ASAP1: variants seen among roughly 807,000 people sequenced by gnomAD.
ASAP1 encodes the protein arf-GAP with SH3 domain, ANK repeat and PH domain-containing protein 1.
Under a neutral mutation model 145.2 loss-of-function variants are expected in ASAP1, and 43 were observed. The observed-to-expected ratio is 0.30, with a 90% CI of 0.23 to 0.38. ASAP1 has a LOEUF of 0.38. Among genes scored for constraint, ASAP1 ranks in the 10% least tolerant of loss-of-function variants. The pLI, the probability that ASAP1 is intolerant of heterozygous loss-of-function variation, is 1.00. For synonymous variants in ASAP1, 546 were observed against 515.5 expected (o/e 1.06, Z -0.80); for missense variants, 1,018 against 1,355.3 (o/e 0.75, Z 3.91).
chr8:130,180,950 C>T, intron 7 of ASAP1, 70 bp from the exon 8 acceptor site: 1 of 1,388,166 alleles, frequency 7.2e-7, no homozygotes. Flanking sequence ...ACAGCAGATC[C>T]TAATACAAAC....
chr8:130,088,547 G>C (rs1287971037), intron 25 of ASAP1, among the ~76,000 whole-genome samples: 1 of 152,144 alleles, frequency 6.6e-6, no homozygotes, highest in African/African-American at 2.4e-5. Flanking sequence ...GGATCACCTG[G>C]AGTCACCAGA....
chr8:130,236,875 A>T, intron 4 of ASAP1, 47 bp downstream of exon 4: 1 of 1,328,394 alleles, frequency 7.5e-7, no homozygotes, highest in Non-Finnish European at 1.0e-6. Flanking sequence ...AAAACTCTGT[A>T]GACATTATTT....
At chr8:130,095,443 GAT>G (rs2097515477) in intron 24 of ASAP1, among the ~76,000 whole-genome samples, 1 of 151,816 alleles carries the variant, frequency 6.6e-6, no homozygotes. Context: ...TGGGACTACA[GAT>G]GTGTGCCACC....
At chr8:130,102,349 G>C (rs1041288120) in intron 24 of ASAP1, among the ~76,000 whole-genome samples, 4 of 152,094 alleles carry the variant, frequency 2.6e-5, no homozygotes, top group African/African-American at 9.7e-5. Flanking sequence ...CATCCATTTA[G>C]GTCATCATAT....
Position 130,169,021 on chromosome 8 carries a change from T to C in ASAP1, c.793A>G (p.Ile265Val), listed in dbSNP as rs1586499906. 1.9e-6 allele frequency: 3 copies of C among 1,575,876 alleles called. No individual in the cohort carries two copies. Among genetic ancestry groups the C allele is most frequent in the Non-Finnish European group, 2.6e-6 (3 of 1,165,464 alleles). ...LKTADKLKQY[I>V]EKLAADLYNI... ...TATAAATCAGCAGCCAGTTTTTCAA[T>C]GTACTGTTTCAACTTATCAGCTGTT... The change falls in exon 10 of 30, where the codon ATT becomes GTT. Residue 265 changes from isoleucine (I) to valine (V), a missense_variant. Coordinates refer to ENST00000518721, the MANE Select transcript of ASAP1 (RefSeq NM_018482.4).
At chr8:130,256,765 A>ATATATATATATATATATCCT (rs1176863952) in intron 3 of ASAP1, among the ~76,000 whole-genome samples, 1 of 127,340 alleles carries the variant, frequency 7.9e-6, no homozygotes, top group African/African-American at 2.8e-5. Flanking sequence ...ATATATATAT[A>ATATATATATATATATATCCT]TATATATATA....
At chr8:130,245,160 C>A (rs989791425) in intron 3 of ASAP1, among the ~76,000 whole-genome samples, 1 of 152,118 alleles carries the variant, frequency 6.6e-6, no homozygotes, top group African/African-American at 2.4e-5. Context: ...TTGATTGAGG[C>A]TGCCATGAAG....
At chr8:130,164,746 A>T (rs2136054341) in intron 11 of ASAP1, among the ~76,000 whole-genome samples, 1 of 152,332 alleles carries the variant, frequency 6.6e-6, no homozygotes, top group African/African-American at 2.4e-5. Flanking sequence ...AGTTTACTGA[A>T]ATTCCAGGGA....
chr8:130,254,018 T>C (rs1819365553), intron 3 of ASAP1, among the ~76,000 whole-genome samples: 1 of 151,806 alleles, frequency 6.6e-6, no homozygotes, highest in Non-Finnish European at 1.5e-5. Flanking sequence ...TGAAACTTCA[T>C]CTCCAAAAAA....
At chr8:130,214,982 C>T (rs1166738700) in intron 4 of ASAP1, among the ~76,000 whole-genome samples, 1 of 151,906 alleles carries the variant, frequency 6.6e-6, no homozygotes, top group Non-Finnish European at 1.5e-5. Flanking sequence ...CTCACTGCAC[C>T]CTCCGCCTCC....
intron 5 of ASAP1, among the ~76,000 whole-genome samples, chr8:130,212,415 G>T (rs1255568605): frequency 2.0e-5 from 3 of 152,202 alleles, no homozygotes; most frequent in African/African-American, 7.2e-5. Flanking sequence ...AGCTTGATCA[G>T]TACTTCTGCT....
At chr8:130,071,505 A>G (rs2097446551) in intron 27 of ASAP1, among the ~76,000 whole-genome samples, 1 of 152,210 alleles carries the variant, frequency 6.6e-6, no homozygotes, top group African/African-American at 2.4e-5. Flanking sequence ...CTAGACTTGT[A>G]TTGCTGCTTG....
chr8:130,323,982 A>G (rs1355179246), intron 3 of ASAP1, among the ~76,000 whole-genome samples: 2 of 152,168 alleles, frequency 1.3e-5, no homozygotes, highest in Non-Finnish European at 2.9e-5. Flanking sequence ...CTTCCTAACA[A>G]TACTACTCCC....
intron 1 of ASAP1, among the ~76,000 whole-genome samples, chr8:130,426,199 C>CCTCTCT (rs988927321): frequency 6.6e-6 from 1 of 151,870 alleles, no homozygotes; most frequent in Non-Finnish European, 1.5e-5. Flanking sequence ...ACAGCTTCCT[C>CCTCTCT]CTCTCTCTCT....
intron 3 of ASAP1, among the ~76,000 whole-genome samples, chr8:130,272,897 T>C (rs546673876): frequency 2.0e-5 from 3 of 152,238 alleles, no homozygotes; most frequent in Admixed American, 6.5e-5. Flanking sequence ...AGTACAAACA[T>C]ACAATTAGAG....
At chr8:130,157,282 C>G (rs1429034944) in intron 12 of ASAP1, among the ~76,000 whole-genome samples, 2 of 152,194 alleles carry the variant, frequency 1.3e-5, no homozygotes, top group Admixed American at 6.5e-5. Flanking sequence ...TTTACTTTCA[C>G]AGCAGGATTA....
intron 13 of ASAP1, among the ~76,000 whole-genome samples, chr8:130,139,722 G>A (rs2097605011): frequency 6.7e-6 from 1 of 149,816 alleles, no homozygotes; most frequent in Non-Finnish European, 1.5e-5. Context: ...GGGTGACAGA[G>A]CAAGACTCCA....
intron 9 of ASAP1, among the ~76,000 whole-genome samples, chr8:130,173,751 G>A (rs956319689): frequency 6.6e-6 from 1 of 150,916 alleles, no homozygotes; most frequent in African/African-American, 2.4e-5. Context: ...CTGGGTGACA[G>A]AGTGAGACTC....
At chr8:130,321,319 C>T (rs1053302074) in intron 3 of ASAP1, among the ~76,000 whole-genome samples, 3 of 152,046 alleles carry the variant, frequency 2.0e-5, no homozygotes, top group East Asian at 1.9e-4. Context: ...ATTTCAAATT[C>T]GGCTCCATTT....
Sources: gnomAD v4.1 joint callset for allele counts (sites outside exome capture counted in the v4.1 genomes callset) on GRCh38, gnomAD v4.1.1 for gene constraint, MANE v1.5 for transcripts, NCBI Gene and HGNC (gene_info 2026-07-23, HGNC 2026-07-21) for gene names.